NBEAL1: variants seen among roughly 807,000 people sequenced by gnomAD.
NBEAL1 encodes the protein neurobeachin like 1.
In NBEAL1, 273 loss-of-function variants were observed where a neutral mutation model predicts 351.3. The observed-to-expected ratio is 0.78, with a 90% CI of 0.70 to 0.86. NBEAL1 has a LOEUF of 0.86. Ranked by LOEUF, NBEAL1 falls within the 40% of genes least tolerant of loss-of-function variation. NBEAL1 has a pLI of 0.00. For missense variants in NBEAL1, 2,961 were observed against 3,201.3 expected (o/e 0.92, Z 1.81); for synonymous variants, 1,050 against 1,086.4 (o/e 0.97, Z 0.66).
intron 55 of NBEAL1, among the ~76,000 whole-genome samples, chr2:203,216,579 A>G (rs1248022492): frequency 6.6e-6 from 1 of 152,120 alleles, no homozygotes; most frequent in Non-Finnish European, 1.5e-5. Flanking sequence ...CATCTCTACA[A>G]ACAAATAAAA....
At chr2:203,119,423 G>GGTTTTTTTTTTTTTTTTTTTT in intron 18 of NBEAL1, among the ~76,000 whole-genome samples, 1 of 21,440 alleles carries the variant, frequency 4.7e-5, no homozygotes, top group African/African-American at 9.3e-5. Context: ...ACGGCCTGTT[G>GGTTTTTTTTTTTTTTTTTTTT]CTTTTTTTTT....
intron 2 of NBEAL1, chr2:203,040,365 C>T (rs1317941141): frequency 1.4e-6 from 1 of 711,738 alleles, no homozygotes. Flanking sequence ...ATAAACATGC[C>T]ATGGCCTTTG....
intron 31 of NBEAL1, among the ~76,000 whole-genome samples, chr2:203,139,518 G>A (rs1480364226): frequency 2.0e-5 from 3 of 148,362 alleles, no homozygotes; most frequent in Non-Finnish European, 4.4e-5. Flanking sequence ...TAAGAACATG[G>A]AGAGGTTAAA....
In NBEAL1 at chr2:203,209,248, A is replaced by G; in HGVS notation, c.7711A>G (p.Ile2571Val). 1 of 1,613,844 alleles carries G rather than the reference A, an allele frequency of 6.2e-7. No individual in the cohort carries two copies. Among genetic ancestry groups the G allele is most frequent in the East Asian group, 2.2e-5 (1 of 44,860 alleles). ...PPCESSLFLTIPNLAISWEGH... is the reference protein window; with the variant it reads ...PPCESSLFLTVPNLAISWEGH... ...TTGTGAGAGTTCTCTGTTCCTGACC[A>G]TTCCTAATTTGGCTATATCTTGGGA... The change falls in exon 53 of 56, where the codon ATT becomes GTT. Residue 2571 changes from isoleucine (I) to valine (V), a missense_variant. Ile to Val is a conservative substitution (Grantham distance 29, BLOSUM62 3). Transcript: ENST00000683969.
intron 33 of NBEAL1, among the ~76,000 whole-genome samples, chr2:203,145,797 C>CAAAAAAAAAAAA (rs56382460): frequency 1.2e-4 from 10 of 86,104 alleles, no homozygotes; most frequent in Admixed American, 1.3e-4. Flanking sequence ...GACTCCATCT[C>CAAAAAAAAAAAA]AAAAAAAAAA....
chr2:203,126,615 A>G lies in NBEAL1; in HGVS notation c.3044A>G (p.Gln1015Arg). ...VLMAVQLLIE[Q>R]VSLEKNMQLL... is the part of the protein sequence containing the mutation. ...ATGGCAGTTCAGTTACTAATTGAACAAGTATCATTAGAGAAAAATATGCAG... is the reference window on the plus strand; with the variant it reads ...ATGGCAGTTCAGTTACTAATTGAACGAGTATCATTAGAGAAAAATATGCAG... Residue 1015 changes from glutamine (Q) to arginine (R), a missense_variant, in exon 22 of 56, where the codon CAA becomes CGA. By Grantham distance (43) the Gln-to-Arg change is conservative. Transcript: ENST00000683969. 1 of 1,523,896 alleles carries G rather than the reference A, an allele frequency of 6.6e-7. No homozygotes were observed. 94.4% of individuals were successfully genotyped at this position (1,523,896 alleles called of 1,614,324 possible).
At chr2:203,175,620 C>T (rs554902161) in intron 42 of NBEAL1, among the ~76,000 whole-genome samples, 1 of 152,168 alleles carries the variant, frequency 6.6e-6, no homozygotes, top group African/African-American at 2.4e-5. Context: ...CTATGTAGTC[C>T]TAAAAATATG....
At chr2:203,178,150 T>C (rs1465576309) in intron 42 of NBEAL1, among the ~76,000 whole-genome samples, 1 of 28,078 alleles carries the variant, frequency 3.6e-5, no homozygotes, top group Non-Finnish European at 1.5e-4. Context: ...CATACCAGCC[T>C]TTTTTTTTTC....
At chr2:203,018,541 TTTTG>T (rs1191248657) in intron 2 of NBEAL1, among the ~76,000 whole-genome samples, 3 of 152,136 alleles carry the variant, frequency 2.0e-5, no homozygotes, top group Non-Finnish European at 2.9e-5. Flanking sequence ...GTATTCAGGT[TTTTG>T]TTTGTTTTTA....
chr2:203,087,225 T>G (rs975189813), intron 10 of NBEAL1, among the ~76,000 whole-genome samples: 1 of 151,528 alleles, frequency 6.6e-6, no homozygotes, highest in African/African-American at 2.4e-5. Context: ...CCCAAGTAGC[T>G]GGGATTATAG....
chr2:203,069,812 C>A (rs1041060366), intron 7 of NBEAL1, among the ~76,000 whole-genome samples: 1 of 152,044 alleles, frequency 6.6e-6, no homozygotes, highest in Non-Finnish European at 1.5e-5. Flanking sequence ...TATGTGCCAC[C>A]ATGCCTGGCT....
In NBEAL1 at chr2:203,217,521, A is replaced by C; in HGVS notation, c.*167A>C. 1.6e-6 allele frequency: 2 copies of C among 1,221,408 alleles called. No individual in the cohort carries two copies. Among genetic ancestry groups the C allele is most frequent in the South Asian group, 8.0e-5 (2 of 25,150 alleles). 75.7% of individuals were successfully genotyped at this position (1,221,408 alleles called of 1,614,324 possible). On this transcript the variant is annotated 3_prime_UTR_variant, in exon 56 of 56. Transcript: ENST00000683969. ...TATAAACTAATTCTTGGTCTATACT[A>C]AGATGTATTTGAGAAAATACATTTG...
intron 7 of NBEAL1, among the ~76,000 whole-genome samples, chr2:203,070,260 A>G (rs1376225798): frequency 6.6e-6 from 1 of 150,968 alleles, no homozygotes; most frequent in East Asian, 2.0e-4. Flanking sequence ...AAATACATAG[A>G]TTGATTTTCA....
intron 3 of NBEAL1, among the ~76,000 whole-genome samples, chr2:203,045,399 A>G (rs16839483): frequency 0.017 from 2,603 of 152,204 alleles, 71 homozygotes; most frequent in East Asian, 0.089. Flanking sequence ...GCCCTTTAGC[A>G]GGAAAAAAAA....
At chr2:203,134,837 T>C (rs1282706837) in intron 27 of NBEAL1, among the ~76,000 whole-genome samples, 1 of 152,232 alleles carries the variant, frequency 6.6e-6, no homozygotes, top group Non-Finnish European at 1.5e-5. Context: ...TTGTATAATA[T>C]AGACTTACTA....
intron 20 of NBEAL1, 120 bp downstream of exon 20, chr2:203,125,640 G>T: frequency 3.2e-6 from 3 of 930,648 alleles, no homozygotes; most frequent in East Asian, 3.3e-5. Context: ...TGTAGCAGTT[G>T]TTTCTACTTT....
chr2:203,195,757 A>AT (rs1481347133), intron 47 of NBEAL1, among the ~76,000 whole-genome samples: 3 of 152,174 alleles, frequency 2.0e-5, no homozygotes, highest in Admixed American at 6.6e-5. Context: ...GTGGAAACAC[A>AT]TTTTTTTGTC....
rs1392837390 is a variant in NBEAL1, at chr2:203,083,171, C to A, written c.685-48C>A. ...AAATTCTCATTATTGCAAACATACA[C>A]AACTTCATTAGGTTTAGGTTTCATT... On this transcript the variant is annotated intron_variant, in intron 8 of 55. Coordinates refer to ENST00000683969, the MANE Select transcript of NBEAL1 (RefSeq NM_001378026.1). 16 of 1,451,664 alleles carry A rather than the reference C, an allele frequency of 1.1e-5. No homozygotes were observed. The East Asian group carries it at 3.0e-4, about 27-fold the overall frequency. The allele number at this position is 1,451,664 out of a possible 1,614,324, so 89.9% of individuals were successfully genotyped here. A position where few individuals can be genotyped will look rare whatever the true frequency, so the allele number is the denominator to read the frequency against.
chr2:203,064,913 A>T (rs1262078460), intron 6 of NBEAL1, among the ~76,000 whole-genome samples: 1 of 152,182 alleles, frequency 6.6e-6, no homozygotes, highest in Non-Finnish European at 1.5e-5. Context: ...CCTATTAGTA[A>T]ATATTCACTA....
Sources: gnomAD v4.1 joint callset for allele counts (sites outside exome capture counted in the v4.1 genomes callset) on GRCh38, gnomAD v4.1.1 for gene constraint, MANE v1.5 for transcripts, NCBI Gene and HGNC (gene_info 2026-07-23, HGNC 2026-07-21) for gene names.